Variants in SCAP observed in about 807,000 individuals in gnomAD.
The protein encoded by SCAP is SREBF chaperone, also known as sterol regulatory element-binding protein cleavage-activating protein.
In SCAP, 65 loss-of-function variants were observed where a neutral mutation model predicts 123.6. The observed-to-expected ratio is 0.53, with a 90% CI of 0.43 to 0.65. SCAP has a LOEUF of 0.65. Among genes scored for constraint, SCAP ranks in the 30% least tolerant of loss-of-function variants. The probability of loss-of-function intolerance (pLI) is 0.00; values close to 1 mark genes in which losing one functional copy is unlikely to be tolerated. For synonymous variants in SCAP, 740 were observed against 726.3 expected (o/e 1.02, Z -0.30); for missense variants, 1,398 against 1,712.5 (o/e 0.82, Z 3.24).
intron 1 of SCAP, among the ~76,000 whole-genome samples, chr3:47,451,419 A>C: frequency 1.2e-5 from 1 of 84,742 alleles, no homozygotes. Flanking sequence ...TTTTTTTGAG[A>C]CAGGGTCTCA....
In SCAP at chr3:47,418,228, C is replaced by T. The variant is rs780150760; in HGVS notation, c.2353G>A (p.Asp785Asn). The stretch of plus-strand genomic sequence containing the variant: ...CAGCAGCTCACCAGCAGCATGCCGT[C>T]GCTGGCCAGGCACTCGATGTCCTGC... ...HLMDIECLAS[D>N]GMLLVSCCLA... Residue 785 changes from aspartate to asparagine, a missense_variant, in exon 16 of 23, where the codon GAC (aspartate) becomes AAC (asparagine). By Grantham distance (23) the Asp-to-Asn change is conservative (BLOSUM62 1). Around this residue, in one of 7 missense-constraint regions of SCAP, gnomAD observed 828 missense variants for 882.5 expected, o/e 0.94. Transcript: ENST00000265565. The T allele has an allele frequency of 9.6e-6, 15 of 1,569,222 alleles. No individual in the cohort carries two copies. The highest frequency in any genetic ancestry group is 1.7e-4 in the Middle Eastern group (1 of 6,030).
At position 47,420,892 on chromosome 3, in the gene SCAP, C is replaced by T; in HGVS notation, c.1344+39G>A. 6.3e-7 allele frequency: 1 copy of T among 1,598,972 alleles called. No individual in the cohort carries two copies. The highest frequency in any genetic ancestry group is 8.6e-7 in the Non-Finnish European group (1 of 1,166,646). ...CAGGACTCCCTCAGTACAGCCAGGG[C>T]TGAGGAGGCGGGCAGGGCAGGGCTC... On this transcript the variant is annotated intron_variant, in intron 11 of 22. Coordinates refer to ENST00000265565, the MANE Select transcript of SCAP (RefSeq NM_012235.4). The surrounding 1 kb of genome is among the most constrained non-coding windows in gnomAD (Gnocchi z 5.0).
At chr3:47,443,464 C>G (rs1468985402) in intron 1 of SCAP, among the ~76,000 whole-genome samples, 1 of 152,084 alleles carries the variant, frequency 6.6e-6, no homozygotes, top group African/African-American at 2.4e-5. Context: ...CTTCCCCCCC[C>G]TCCTCTATGC....
chr3:47,437,439 A>G (rs1350323818), intron 2 of SCAP, among the ~76,000 whole-genome samples: 6 of 150,320 alleles, frequency 4.0e-5, no homozygotes, highest in African/African-American at 1.5e-4. Context: ...AAAAAAAAAA[A>G]AAAAAAGGAG....
At chr3:47,426,276 GTT>G (rs1294269344) in intron 6 of SCAP, 107 bp from the exon 7 acceptor site, 1 of 1,146,114 alleles carries the variant, frequency 8.7e-7, no homozygotes, top group Non-Finnish European at 1.2e-6. Context: ...CTGCCCCTGT[GTT>G]GAAAGGGAAC....
At chr3:47,472,854 G>A (rs1559575965) in intron 1 of SCAP, among the ~76,000 whole-genome samples, 1 of 151,988 alleles carries the variant, frequency 6.6e-6, no homozygotes, top group Non-Finnish European at 1.5e-5. Context: ...GCCGAGGCGG[G>A]CGGATCACCT....
At chr3:47,432,754 T>A (rs1318222374) in intron 3 of SCAP, among the ~76,000 whole-genome samples, 1 of 152,224 alleles carries the variant, frequency 6.6e-6, no homozygotes, top group Non-Finnish European at 1.5e-5. Context: ...CATGGCTCAC[T>A]GCAGCCTTAA....
intron 4 of SCAP, 117 bp downstream of exon 4, chr3:47,428,396 T>C: frequency 9.1e-7 from 1 of 1,093,496 alleles, no homozygotes; most frequent in African/African-American, 1.6e-5. Flanking sequence ...CCTCCATCCT[T>C]CTTGCTTGTT....
At chr3:47,425,662 CCACTGGGGCT>C (rs1252755947) in intron 7 of SCAP, 51 bp from the exon 8 acceptor site, 1 of 1,594,548 alleles carries the variant, frequency 6.3e-7, no homozygotes, top group Non-Finnish European at 8.6e-7. Flanking sequence ...AGCCCCCGGC[CCACTGGGGCT>C]CCCGGGAGTA....
At chr3:47,471,083 G>T (rs1260266853) in intron 1 of SCAP, among the ~76,000 whole-genome samples, 1 of 151,992 alleles carries the variant, frequency 6.6e-6, no homozygotes, top group Non-Finnish European at 1.5e-5. Flanking sequence ...CTCTCTATTT[G>T]GATGTATATT....
chr3:47,440,919 T>C (rs1032845272), intron 2 of SCAP, among the ~76,000 whole-genome samples: 10 of 152,068 alleles, frequency 6.6e-5, no homozygotes, highest in African/African-American at 2.2e-4. Flanking sequence ...TTTTTTTTTT[T>C]TGAGATGGAG....
chr3:47,476,755 C>T (rs74722963), upstream of SCAP, among the ~76,000 whole-genome samples: 1,527 of 152,200 alleles, frequency 0.01, 7 homozygotes, highest in South Asian at 0.017. Context: ...TGCCTCCCCT[C>T]GAGGGAAACA....
rs746578522 is a variant in SCAP at position 47,418,514 on chromosome 3, G to A, written c.2138C>T (p.Ala713Val). 4.5e-5 allele frequency: 72 copies of A among 1,592,302 alleles called. No individual in the cohort carries two copies. Among genetic ancestry groups the A allele is most frequent in the South Asian group, 2.4e-4 (21 of 88,288 alleles). The change falls in exon 15 of 23, where the codon GCG (alanine) becomes GTG (valine). Residue 713 changes from alanine (A) to valine (V), a missense_variant. Ala to Val is a moderately conservative substitution (Grantham distance 64). Transcript: ENST00000265565. Reference protein sequence around the residue: ...HGDVTLYKVAALGLATGIVLV... With the variant: ...HGDVTLYKVAVLGLATGIVLV... The stretch of plus-strand genomic sequence containing the variant: ...GACGATGCCGGTGGCCAGGCCCAGC[G>A]CCGCCACCCTGCACGGGAGGGCGGA...
rs555711337 is a variant in SCAP at position 47,418,482 on chromosome 3, G to A, written c.2170C>T (p.Leu724=). 1.2e-6 allele frequency: 2 copies of A among 1,600,406 alleles called. No individual in the cohort carries two copies. Among genetic ancestry groups the A allele is most frequent in the Non-Finnish European group, 1.7e-6 (2 of 1,175,274 alleles). ...ACGCGGTAGAGGCAGAGCAGCAGCA[G>A]CACCAAGACGATGCCGGTGGCCAGG... ...LGLATGIVLV[L]LLLCLYRVLC... is the part of the protein sequence containing the mutation. The change falls in exon 15 of 23, where the codon CTG becomes TTG. Residue 724 remains leucine, a synonymous_variant. Coordinates refer to ENST00000265565, the MANE Select transcript of SCAP (RefSeq NM_012235.4).
At chr3:47,476,453 G>C (rs1708274942), upstream of SCAP, among the ~76,000 whole-genome samples, 1 of 152,138 alleles carries the variant, frequency 6.6e-6, no homozygotes, top group East Asian at 1.9e-4. Flanking sequence ...CATGTTCCCT[G>C]TTTTATAATG....
chr3:47,464,373 T>C (rs1486089730), intron 1 of SCAP, among the ~76,000 whole-genome samples: 1 of 151,974 alleles, frequency 6.6e-6, no homozygotes, highest in Non-Finnish European at 1.5e-5. Flanking sequence ...GGGACTGATT[T>C]GTGTTTTTTT....
At position 47,419,636 on chromosome 3, in the gene SCAP, A is replaced by G. The variant is rs750706531; in HGVS notation, c.1632T>C (p.Ala544=). Residue 544 remains alanine (A), a synonymous_variant, in exon 13 of 23, where the codon GCT becomes GCC. Coordinates refer to ENST00000265565, the MANE Select transcript of SCAP (RefSeq NM_012235.4). This position sits in a 1 kb window ranked among gnomAD's most constrained non-coding sequence, Gnocchi z 5.0. ...TDPAGLRNYL[A]AQVTEQSPLG... is the part of the protein sequence containing the mutation. Reference sequence around the variant, plus strand: ...ATGGGCTCTGTTCCGTCACCTGGGCAGCGAGGTAGTTGCGCAGCCCTGCTG... The same window carrying G: ...ATGGGCTCTGTTCCGTCACCTGGGCGGCGAGGTAGTTGCGCAGCCCTGCTG... 2 of 1,574,360 alleles carry G rather than the reference A, an allele frequency of 1.3e-6. No individual in the cohort carries two copies. The highest frequency in any genetic ancestry group is 8.6e-7 in the Non-Finnish European group (1 of 1,159,164).
At chr3:47,476,867 C>G (rs1056458152), upstream of SCAP, 1 of 154,200 alleles carries the variant, frequency 6.5e-6, no homozygotes, top group African/African-American at 2.4e-5. Flanking sequence ...GTACCCAGGT[C>G]TTGTGTCAGA....
In SCAP at chr3:47,420,788, T is replaced by C. The variant is rs1705864364; in HGVS notation, c.1345-16A>G. The C allele has an allele frequency of 6.2e-7, 1 of 1,609,204 alleles. No homozygotes were observed. The highest frequency in any genetic ancestry group is 8.5e-7 in the Non-Finnish European group (1 of 1,178,390). On this transcript the variant is annotated splice_polypyrimidine_tract_variant and intron_variant, in intron 11 of 22. Transcript: ENST00000265565. This position sits in a 1 kb window ranked among gnomAD's most constrained non-coding sequence, Gnocchi z 5.0. ...GGTCTGCTAGCTGTTGGGGGCACAG[T>C]GGTCAGGGCCTGAGTCCACCATCCA...
Sources: allele counts gnomAD v4.1 joint callset (sites outside exome capture counted in the v4.1 genomes callset), GRCh38; gene constraint gnomAD v4.1.1; regional missense constraint gnomAD v4.1.1; non-coding constraint Gnocchi (gnomAD v3.1); transcripts MANE v1.5; gene names NCBI Gene and HGNC (gene_info 2026-07-23, HGNC 2026-07-21).